Variants in TPST1 observed in about 807,000 individuals in gnomAD.
TPST1 encodes the protein tyrosylprotein sulfotransferase 1.
A neutral mutation model predicts 34.8 loss-of-function variants in TPST1; 20 were observed. The observed-to-expected ratio is 0.57, with a 90% confidence interval of 0.40 to 0.84. TPST1 has a LOEUF of 0.84. Ranked by LOEUF, TPST1 falls within the 40% of genes least tolerant of loss-of-function variation. The pLI is 0.00. For synonymous variants in TPST1, 152 were observed against 159.4 expected, an observed-to-expected ratio of 0.95 and a Z score of 0.35; for missense variants, 353 against 455.5, an observed-to-expected ratio of 0.78 and a Z score of 2.05.
chr7:66,353,404 G>C (rs889122801), intron 4 of TPST1, among the ~76,000 whole-genome samples: 1 of 152,200 alleles, frequency 6.6e-6, no homozygotes, highest in Non-Finnish European at 1.5e-5. Context: ...ATGAGGTGGA[G>C]GTTGCCATGA....
At chr7:66,264,984 T>TA (rs1790562326) in intron 2 of TPST1, among the ~76,000 whole-genome samples, 1 of 151,934 alleles carries the variant, frequency 6.6e-6, no homozygotes, top group South Asian at 2.1e-4. Flanking sequence ...AACAAAAAGA[T>TA]AGAAATTATG....
chr7:66,280,231 G>C (rs999210641), intron 2 of TPST1, among the ~76,000 whole-genome samples: 2 of 152,198 alleles, frequency 1.3e-5, no homozygotes, highest in Non-Finnish European at 2.9e-5. Context: ...CACAGTGGAC[G>C]TGGAAGCCAC....
At chr7:66,318,528 ACG>A (rs1791683321) in intron 3 of TPST1, among the ~76,000 whole-genome samples, 1 of 150,714 alleles carries the variant, frequency 6.6e-6, no homozygotes, top group African/African-American at 2.4e-5. Flanking sequence ...GTGCAGTGGC[ACG>A]ATCTCAGCTC....
At chr7:66,274,184 C>T (rs891009664) in intron 2 of TPST1, among the ~76,000 whole-genome samples, 9 of 151,410 alleles carry the variant, frequency 5.9e-5, no homozygotes, top group Non-Finnish European at 8.8e-5. Context: ...CTGGCTAACA[C>T]GGTGAAACCC....
rs1254413404 is a variant in TPST1, at chr7:66,352,488, C to T, written c.1045-17C>T. 1 of 1,610,914 alleles carries T rather than the reference C, an allele frequency of 6.2e-7. No individual in the cohort carries two copies. The highest frequency in any genetic ancestry group is 1.1e-5 in the South Asian group (1 of 90,500). Reference sequence around the variant, plus strand: ...TGGACCTGTTGCCTTAAACTCACGCCTGCTTTGTTTTTCCAGGTCTATAAG... The same window carrying T: ...TGGACCTGTTGCCTTAAACTCACGCTTGCTTTGTTTTTCCAGGTCTATAAG... On this transcript the variant is annotated splice_polypyrimidine_tract_variant and intron_variant, in intron 3 of 5. Transcript: ENST00000304842.
intron 2 of TPST1, among the ~76,000 whole-genome samples, chr7:66,257,728 T>C (rs1025516263): frequency 7.2e-5 from 11 of 152,228 alleles, no homozygotes; most frequent in Non-Finnish European, 1.5e-4. Flanking sequence ...TTCTTTACTT[T>C]GTGATCTTTC....
intron 3 of TPST1, among the ~76,000 whole-genome samples, chr7:66,310,060 G>T (rs1237584303): frequency 6.6e-6 from 1 of 152,170 alleles, no homozygotes; most frequent in East Asian, 1.9e-4. Context: ...GCTAGCAAAG[G>T]TAGTCTTGAA....
At chr7:66,339,514 C>G (rs892724278) in intron 3 of TPST1, among the ~76,000 whole-genome samples, 2 of 152,042 alleles carry the variant, frequency 1.3e-5, no homozygotes, top group Non-Finnish European at 2.9e-5. Context: ...TCTACAAGGG[C>G]AACATTACCC....
intron 2 of TPST1, among the ~76,000 whole-genome samples, chr7:66,282,798 C>G (rs1026109991): frequency 1.3e-5 from 2 of 152,148 alleles, no homozygotes; most frequent in African/African-American, 2.4e-5. Flanking sequence ...GGGACTGCAT[C>G]GTATCTTGTT....
At chr7:66,203,597 T>C (rs1413758306), upstream of TPST1, among the ~76,000 whole-genome samples, 1 of 151,750 alleles carries the variant, frequency 6.6e-6, no homozygotes, top group Admixed American at 6.6e-5. Context: ...GCCATTCTCC[T>C]GCCTCTGCCT....
At chr7:66,326,543 A>T (rs1362950511) in intron 3 of TPST1, among the ~76,000 whole-genome samples, 1 of 152,214 alleles carries the variant, frequency 6.6e-6, no homozygotes, top group Non-Finnish European at 1.5e-5. Flanking sequence ...TTCCTGCCTG[A>T]TAAATGTCCT....
intron 3 of TPST1, among the ~76,000 whole-genome samples, chr7:66,326,699 T>C (rs1791873928): frequency 6.6e-6 from 1 of 152,200 alleles, no homozygotes; most frequent in Admixed American, 6.5e-5. Context: ...CATTCCCAAC[T>C]CAATTCACAT....
rs1279784836 is a variant in TPST1, at chr7:66,212,168, T to C, written c.-102+6646T>C. Among the ~76,000 whole-genome samples the C allele has an allele frequency of 2.0e-5, 3 of 152,224 alleles. No individual in the cohort carries two copies. In the East Asian group the frequency reaches 5.8e-4, roughly 29 times the overall value. On this transcript the variant is annotated intron_variant, in intron 1 of 5. Transcript: ENST00000304842. ...ACGATTAAGGTATATCGATCTTGTA[T>C]CTTTTTAAAACAAATAGCTCTTGAT...
chr7:66,274,312 C>A (rs1035387624), intron 2 of TPST1, among the ~76,000 whole-genome samples: 3 of 150,280 alleles, frequency 2.0e-5, no homozygotes, highest in African/African-American at 7.3e-5. Flanking sequence ...TTGAAGTGAG[C>A]GTTGAGATCG....
intron 1 of TPST1, among the ~76,000 whole-genome samples, chr7:66,220,735 C>A: frequency 6.8e-6 from 1 of 146,338 alleles, no homozygotes; most frequent in Admixed American, 7.0e-5. Flanking sequence ...TCAGGAACGG[C>A]CTTGTACTAA....
chr7:66,327,792 G>T (rs1187046283), intron 3 of TPST1, among the ~76,000 whole-genome samples: 1 of 151,232 alleles, frequency 6.6e-6, no homozygotes, highest in African/African-American at 2.4e-5. Flanking sequence ...AAGCAAAAAT[G>T]TAGAGTCCAT....
chr7:66,308,303 G>T (rs1584227128), intron 3 of TPST1, among the ~76,000 whole-genome samples: 1 of 152,080 alleles, frequency 6.6e-6, no homozygotes, highest in Non-Finnish European at 1.5e-5. Context: ...TACCTCTAGG[G>T]CCTGCCATAC....
At chr7:66,322,538 T>C (rs1791778500) in intron 3 of TPST1, among the ~76,000 whole-genome samples, 1 of 152,228 alleles carries the variant, frequency 6.6e-6, no homozygotes, top group South Asian at 2.1e-4. Flanking sequence ...TCCTCAAGTT[T>C]CATCCATGTT....
chr7:66,328,425 G>A (rs1227373415), intron 3 of TPST1, among the ~76,000 whole-genome samples: 1 of 152,188 alleles, frequency 6.6e-6, no homozygotes, highest in Admixed American at 6.5e-5. Flanking sequence ...CAGTAGAGCT[G>A]AGTAGTTGGA....
Sources: allele counts gnomAD v4.1 joint callset (sites outside exome capture counted in the v4.1 genomes callset), GRCh38; gene constraint gnomAD v4.1.1; transcripts MANE v1.5; gene names NCBI Gene and HGNC (gene_info 2026-07-23, HGNC 2026-07-21).